RASGEF1C: variants seen among roughly 807,000 people sequenced by gnomAD.
RASGEF1C encodes the protein RasGEF domain family member 1C.
Under a neutral mutation model 58.1 loss-of-function variants are expected in RASGEF1C, and 27 were observed. The observed-to-expected ratio is 0.46, with a 90% CI of 0.34 to 0.64. The LOEUF (loss-of-function observed/expected upper bound fraction) is 0.64, where lower values mean the gene tolerates loss of function less well. Among genes scored for constraint, RASGEF1C ranks in the 30% least tolerant of loss-of-function variants. RASGEF1C has a pLI of 0.01. For missense variants in RASGEF1C, 502 were observed against 605.1 expected (o/e 0.83, Z 1.79); for synonymous variants, 243 against 246.3 (o/e 0.99, Z 0.13).
intron 1 of RASGEF1C, among the ~76,000 whole-genome samples, chr5:180,185,327 G>A (rs1756015068): frequency 6.6e-6 from 1 of 151,622 alleles, no homozygotes; most frequent in African/African-American, 2.4e-5. Context: ...GCTCACGCCT[G>A]TAATCCCAGC....
At position 180,119,341 on chromosome 5, in the gene RASGEF1C, C is replaced by T. The variant is rs1373311061; in HGVS notation, c.907+5G>A. 1.2e-6 allele frequency: 2 copies of T among 1,612,662 alleles called. No homozygotes were observed. Among genetic ancestry groups the T allele is most frequent in the South Asian group, 2.2e-5 (2 of 91,060 alleles). On this transcript the variant is annotated splice_donor_5th_base_variant and intron_variant, in intron 8 of 13. Transcript: ENST00000361132. ...GGGGGCCACAGGCCAGGCCGGCCCA[C>T]TCACAGATGATGGCCATGAGGGAGT...
chr5:180,108,693 T>C (rs374029079), intron 12 of RASGEF1C, among the ~76,000 whole-genome samples: 110 of 152,336 alleles, frequency 7.2e-4, no homozygotes, highest in African/African-American at 2.5e-3. Context: ...TCTGTTTCTT[T>C]GCTGAGACTT....
rs1766843787 is a variant in RASGEF1C, at chr5:180,156,069, C to T, written c.-6-18011G>A. On this transcript the variant is annotated intron_variant, in intron 1 of 13. Transcript: ENST00000361132. This position sits in a 1 kb window ranked among gnomAD's most constrained non-coding sequence, Gnocchi z 4.9. ...GAGCGTTACCAGTACCTTAAAATCCCTAATGCATCTTCCTCAACCGGTCCC... is the reference window on the plus strand; with the variant it reads ...GAGCGTTACCAGTACCTTAAAATCCTTAATGCATCTTCCTCAACCGGTCCC... Among the ~76,000 whole-genome samples the T allele has an allele frequency of 6.6e-6, 1 of 152,208 alleles. No individual in the cohort carries two copies. The highest frequency in any genetic ancestry group is 2.4e-5 in the African/African-American group (1 of 41,440).
At chr5:180,174,001 C>T (rs534301849) in intron 1 of RASGEF1C, among the ~76,000 whole-genome samples, 105 of 150,898 alleles carry the variant, frequency 7.0e-4, no homozygotes, top group African/African-American at 2.3e-3. Flanking sequence ...GGGGCCCAGA[C>T]GTGGGGATGG....
Position 180,158,153 on chromosome 5 carries a change from G to T in RASGEF1C, c.-6-20095C>A, listed in dbSNP as rs1260835923. Among the ~76,000 whole-genome samples, 1 of 152,180 alleles carries T rather than the reference G, an allele frequency of 6.6e-6. No homozygotes were observed. The highest frequency in any genetic ancestry group is 1.5e-5 in the Non-Finnish European group (1 of 68,036). ...AGCCCATTTTTTTAAAAGATGGCTTGAAGGGAGTGGGGGTCTTGGTGATGA... is the reference window on the plus strand; with the variant it reads ...AGCCCATTTTTTTAAAAGATGGCTTTAAGGGAGTGGGGGTCTTGGTGATGA... On this transcript the variant is annotated intron_variant, in intron 1 of 13. Coordinates refer to ENST00000361132, the MANE Select transcript of RASGEF1C (RefSeq NM_175062.4). The surrounding 1 kb of genome is among the most constrained non-coding windows in gnomAD (Gnocchi z 4.0).
intron 1 of RASGEF1C, among the ~76,000 whole-genome samples, chr5:180,157,397 G>A (rs538091050): frequency 6.8e-4 from 104 of 152,114 alleles, no homozygotes; most frequent in Non-Finnish European, 1.2e-3. Flanking sequence ...CGAGGTGGGC[G>A]GATCACCTGA....
intron 4 of RASGEF1C, among the ~76,000 whole-genome samples, chr5:180,135,637 A>G (rs1030946726): frequency 6.6e-6 from 1 of 152,186 alleles, no homozygotes; most frequent in Non-Finnish European, 1.5e-5. Context: ...AAGGGAAGTG[A>G]GGCTTGGAGA....
intron 12 of RASGEF1C, among the ~76,000 whole-genome samples, chr5:180,103,323 C>T (rs767983037): frequency 2.3e-4 from 35 of 152,270 alleles, no homozygotes; most frequent in East Asian, 5.8e-4. Flanking sequence ...GTGATCCGCC[C>T]GCCTCGGCCT....
At chr5:180,151,777 A>G (rs973051021) in intron 1 of RASGEF1C, among the ~76,000 whole-genome samples, 1 of 152,028 alleles carries the variant, frequency 6.6e-6, no homozygotes, top group African/African-American at 2.4e-5. Flanking sequence ...CAGAGTGAAC[A>G]GGCAACCTAC....
chr5:180,180,080 C>A (rs548832874), intron 1 of RASGEF1C, among the ~76,000 whole-genome samples: 1 of 152,328 alleles, frequency 6.6e-6, no homozygotes, highest in Non-Finnish European at 1.5e-5. Context: ...GAGGCGGTGG[C>A]CTGCTCACAC....
Position 180,114,562 on chromosome 5 carries a change from G to T in RASGEF1C, c.1084-21C>A, listed in dbSNP as rs371249576. On this transcript the variant is annotated intron_variant, in intron 10 of 13. Transcript: ENST00000361132. ...ACAATCTGGAAGAAAGAGGGGGCAG[G>T]TCGGCCCCAGCCGGCCCTCCACACA... The T allele has an allele frequency of 2.0e-5, 32 of 1,599,494 alleles. No homozygotes were observed. The Middle Eastern group carries it at 5.0e-4, about 25-fold the overall frequency.
At chr5:180,154,541 G>C (rs1175593102) in intron 1 of RASGEF1C, among the ~76,000 whole-genome samples, 2 of 151,528 alleles carry the variant, frequency 1.3e-5, no homozygotes, top group Non-Finnish European at 2.9e-5. Flanking sequence ...GGGTGGACAA[G>C]TTACCAGCTG....
chr5:180,156,476 A>C lies in RASGEF1C; in HGVS notation c.-6-18418T>G, dbSNP rs1766853788. On this transcript the variant is annotated intron_variant, in intron 1 of 13. Transcript: ENST00000361132. The surrounding 1 kb of genome is among the most constrained non-coding windows in gnomAD (Gnocchi z 4.9). ...CTCTGTGATAAAGAACTGTTATCGA[A>C]AATATATAAAGGGCCAGGCATGGTG... 6.6e-6 allele frequency among the ~76,000 whole-genome samples: 1 copy of C among 152,170 alleles called. No homozygotes were observed. The highest frequency in any genetic ancestry group is 6.6e-5 in the Admixed American group (1 of 15,256).
chr5:180,152,521 C>G (rs556440111), intron 1 of RASGEF1C, among the ~76,000 whole-genome samples: 3 of 130,756 alleles, frequency 2.3e-5, no homozygotes, highest in African/African-American at 8.9e-5. Flanking sequence ...AATGAGAACA[C>G]ATGGACACAG....
Position 180,127,480 on chromosome 5 carries a change from C to T in RASGEF1C, c.714+129G>A, listed in dbSNP as rs1000235480. 27 of 767,890 alleles carry T rather than the reference C, an allele frequency of 3.5e-5. No individual in the cohort carries two copies. In the Admixed American group the frequency reaches 6.8e-4, roughly 19 times the overall value. The allele number at this position is 767,890 out of a possible 1,614,324, so 47.6% of individuals were successfully genotyped here. A position where few individuals can be genotyped will look rare whatever the true frequency, so the allele number is the denominator to read the frequency against. ...GAGGGGCGTGGCGGAGTGGGCAGGG[C>T]CCCCCGAGCCCACCTGTCCCACTCT... On this transcript the variant is annotated intron_variant, in intron 6 of 13. Transcript: ENST00000361132.
In RASGEF1C at chr5:180,119,462, A is replaced by G. The variant is rs962054539; in HGVS notation, c.805-14T>C. ...CTTCTTGGCTGGCTGGGGACAGGGC[A>G]GCAGAGCCTCAGTGGTGACACGCCT... On this transcript the variant is annotated splice_polypyrimidine_tract_variant and intron_variant, in intron 7 of 13. Transcript: ENST00000361132. The G allele has an allele frequency of 6.2e-7, 1 of 1,608,584 alleles. No homozygotes were observed. Among genetic ancestry groups the G allele is most frequent in the Non-Finnish European group, 8.5e-7 (1 of 1,175,162 alleles).
At chr5:180,196,520 A>C (rs1756281812) in intron 1 of RASGEF1C, among the ~76,000 whole-genome samples, 1 of 152,118 alleles carries the variant, frequency 6.6e-6, no homozygotes, top group Non-Finnish European at 1.5e-5. Flanking sequence ...AAAAAGAAAA[A>C]AAAAAAAGAA....
At chr5:180,161,648 G>T (rs1307833585) in intron 1 of RASGEF1C, among the ~76,000 whole-genome samples, 1 of 152,248 alleles carries the variant, frequency 6.6e-6, no homozygotes, top group African/African-American at 2.4e-5. Flanking sequence ...GGGGGAGCAG[G>T]TGCAGCCTCG....
chr5:180,136,270 G>A (rs1052274888), intron 4 of RASGEF1C, 108 bp downstream of exon 4: 41 of 1,150,516 alleles, frequency 3.6e-5, no homozygotes, highest in Non-Finnish European at 3.4e-5. Flanking sequence ...TGGACGGGCC[G>A]TGGTGTGCAG....
Sources: allele counts gnomAD v4.1 joint callset (sites outside exome capture counted in the v4.1 genomes callset), GRCh38; gene constraint gnomAD v4.1.1; non-coding constraint Gnocchi (gnomAD v3.1); transcripts MANE v1.5; gene names NCBI Gene and HGNC (gene_info 2026-07-23, HGNC 2026-07-21).